RAI1: variants seen among roughly 807,000 people sequenced by gnomAD.
RAI1 encodes retinoic acid-induced protein 1.
RAI1 carries 9 observed loss-of-function variants against 123.8 expected under a neutral mutation model. The ratio of observed to expected loss-of-function variants is 0.07; its 90% CI spans 0.04 to 0.13. The LOEUF is 0.13. Ranked by LOEUF, RAI1 falls within the 10% of genes least tolerant of loss-of-function variation. RAI1 has a pLI of 1.00. For missense variants in RAI1, 2,256 were observed against 2,545.8 expected (o/e 0.89, Z 2.45); for synonymous variants, 1,231 against 1,127.3 (o/e 1.09, Z -1.84).
chr17:17,753,815 C>CT (rs2030315001), intron 2 of RAI1, among the ~76,000 whole-genome samples: 1 of 152,220 alleles, frequency 6.6e-6, no homozygotes, highest in African/African-American at 2.4e-5. Context: ...TCTAGAAAGT[C>CT]TACCGTTCTC....
chr17:17,771,273 T>TC (rs1173575152), intron 2 of RAI1, among the ~76,000 whole-genome samples: 2 of 152,156 alleles, frequency 1.3e-5, no homozygotes. Context: ...CATCCATCCA[T>TC]CCATCCATCC....
At chr17:17,766,678 C>T (rs935952914) in intron 2 of RAI1, among the ~76,000 whole-genome samples, 2 of 152,202 alleles carry the variant, frequency 1.3e-5, no homozygotes, top group African/African-American at 4.8e-5. Context: ...CAGCAGGCAG[C>T]GTGGTAGGGT....
intron 1 of RAI1, among the ~76,000 whole-genome samples, chr17:17,719,826 T>C (rs552448602): frequency 6.6e-6 from 1 of 152,278 alleles, no homozygotes; most frequent in African/African-American, 2.4e-5. Context: ...ATCCAGTCTC[T>C]CAAATGAGGC....
At chr17:17,690,523 C>T (rs998866264) in intron 1 of RAI1, among the ~76,000 whole-genome samples, 9 of 152,198 alleles carry the variant, frequency 5.9e-5, no homozygotes, top group African/African-American at 2.2e-4. Context: ...CTCAAGCTCC[C>T]TAAGCCCGTT....
chr17:17,684,162 T>G (rs1033605480), intron 1 of RAI1: 1 of 152,202 alleles, frequency 6.6e-6, no homozygotes, highest in Non-Finnish European at 1.5e-5. Flanking sequence ...AGTGAGTCAC[T>G]GCACCCAGCC....
intron 1 of RAI1, among the ~76,000 whole-genome samples, chr17:17,722,312 G>C (rs1222913955): frequency 1.2e-4 from 18 of 152,206 alleles, no homozygotes; most frequent in Admixed American, 9.8e-4. Context: ...GAGCGGCCGG[G>C]AGAGGGGCGG....
intron 1 of RAI1, chr17:17,684,349 G>T (rs1158855328): frequency 6.6e-6 from 1 of 151,428 alleles, no homozygotes. Flanking sequence ...TTTTGTTCTT[G>T]TGTATTTGTT....
At chr17:17,740,198 G>A (rs147618221) in intron 2 of RAI1, among the ~76,000 whole-genome samples, 3,425 of 152,294 alleles carry the variant, frequency 0.022, 126 homozygotes, top group African/African-American at 0.078. Context: ...TGTGCTCAGG[G>A]GGAAAGGAGC....
chr17:17,691,951 G>C (rs2142867394), intron 1 of RAI1, among the ~76,000 whole-genome samples: 1 of 152,324 alleles, frequency 6.6e-6, no homozygotes, highest in Admixed American at 6.5e-5. Context: ...ACACAGATAG[G>C]GGTGAGGGAG....
chr17:17,742,573 CA>C (rs1296908009), intron 2 of RAI1, among the ~76,000 whole-genome samples: 1 of 152,138 alleles, frequency 6.6e-6, no homozygotes, highest in East Asian at 1.9e-4. Context: ...GAAACTTTGC[CA>C]AAAATAATAT....
intron 1 of RAI1, 103 bp downstream of exon 1, chr17:17,681,896 G>C (rs1240048809): frequency 4.4e-6 from 1 of 225,056 alleles, no homozygotes; most frequent in Non-Finnish European, 8.7e-6. Context: ...AGCCGAGGCG[G>C]GTTCGGACGC....
At chr17:17,716,742 C>T (rs1478165309) in intron 1 of RAI1, among the ~76,000 whole-genome samples, 3 of 151,018 alleles carry the variant, frequency 2.0e-5, no homozygotes, top group Non-Finnish European at 3.0e-5. Context: ...CCCACATATG[C>T]TGGCCCAGGG....
At chr17:17,697,836 AG>A (rs1915088389) in intron 1 of RAI1, among the ~76,000 whole-genome samples, 1 of 152,228 alleles carries the variant, frequency 6.6e-6, no homozygotes. Flanking sequence ...TATCCACAGC[AG>A]GTCACACGTT....
chr17:17,729,297 A>G (rs920873560), intron 2 of RAI1, among the ~76,000 whole-genome samples: 1 of 152,194 alleles, frequency 6.6e-6, no homozygotes, highest in Non-Finnish European at 1.5e-5. Context: ...CTACGGTGGT[A>G]GAAAAGAGTA....
chr17:17,719,246 A>G (rs1345336605), intron 1 of RAI1, among the ~76,000 whole-genome samples: 2 of 152,172 alleles, frequency 1.3e-5, no homozygotes, highest in Non-Finnish European at 2.9e-5. Flanking sequence ...CGTTCAGTCT[A>G]AGAGCCAAAG....
At chr17:17,709,660 C>A (rs1461770553) in intron 1 of RAI1, among the ~76,000 whole-genome samples, 2 of 152,212 alleles carry the variant, frequency 1.3e-5, no homozygotes, top group African/African-American at 4.8e-5. Flanking sequence ...CTTCTCTGGG[C>A]CAAGGAGCTG....
Position 17,794,352 on chromosome 17 carries a change from C to T in RAI1, c.1404C>T (p.Leu468=), listed in dbSNP as rs775527347. Residue 468 remains leucine (L), a synonymous_variant, in exon 3 of 6, where the codon CTC becomes CTT. Transcript: ENST00000353383. ...CGCAGAAGAAAGGTGTCAAGAACCT[C>T]GTGTCCAGGACCCCAGAGCAGCATA... is the stretch of plus-strand genomic sequence containing the variant. The part of the protein sequence containing the change: ...AVPQKKGVKN[L]VSRTPEQHKS... 22 of 1,612,856 alleles carry T rather than the reference C, an allele frequency of 1.4e-5. No homozygotes were observed. Among genetic ancestry groups the T allele is most frequent in the Middle Eastern group, 1.6e-4 (1 of 6,078 alleles).
chr17:17,783,552 C>T (rs547602864), intron 2 of RAI1, among the ~76,000 whole-genome samples: 2 of 152,270 alleles, frequency 1.3e-5, no homozygotes, highest in East Asian at 1.9e-4. Context: ...GCGGAGAGGC[C>T]GCAACAACCC....
chr17:17,811,189 T>C lies in RAI1; in HGVS notation c.*1208T>C. 3.1e-6 allele frequency: 1 copy of C among 323,832 alleles called. No homozygotes were observed. Among genetic ancestry groups the C allele is most frequent in the Non-Finnish European group, 6.0e-6 (1 of 165,712 alleles). 20.1% of individuals were successfully genotyped at this position (323,832 alleles called of 1,614,324 possible). A position where few individuals can be genotyped will look rare whatever the true frequency, so the allele number is the denominator to read the frequency against. On this transcript the variant is annotated 3_prime_UTR_variant, in exon 6 of 6. Coordinates refer to ENST00000353383, the MANE Select transcript of RAI1 (RefSeq NM_030665.4). ...CCTAGCAACTTCCTGTACATATGAC[T>C]GTAAAATGGTAAACGTGTGTATTAT... is the stretch of plus-strand genomic sequence containing the variant.
Sources: gnomAD v4.1 joint callset for allele counts (sites outside exome capture counted in the v4.1 genomes callset) on GRCh38, gnomAD v4.1.1 for gene constraint, MANE v1.5 for transcripts, NCBI Gene and HGNC (gene_info 2026-07-23, HGNC 2026-07-21) for gene names.